KALRN: variants seen among roughly 807,000 people sequenced by gnomAD.
KALRN encodes kalirin RhoGEF kinase, also known as kalirin.
Under a neutral mutation model 353.7 loss-of-function variants are expected in KALRN, and 70 were observed. The observed-to-expected ratio is 0.20, with a 90% CI of 0.16 to 0.24. The LOEUF (loss-of-function observed/expected upper bound fraction) is 0.24, where lower values mean the gene tolerates loss of function less well. Ranked by LOEUF, KALRN falls within the 10% of genes least tolerant of loss-of-function variation. KALRN has a pLI of 1.00. For missense variants in KALRN, 2,791 were observed against 3,756.7 expected (o/e 0.74, Z 6.72); for synonymous variants, 1,391 against 1,434.8 (o/e 0.97, Z 0.69).
chr3:124,276,298 G>C (rs1236728236), intron 5 of KALRN, among the ~76,000 whole-genome samples: 4 of 152,154 alleles, frequency 2.6e-5, no homozygotes, highest in African/African-American at 9.7e-5. Flanking sequence ...TTTGAGGTTG[G>C]TATGTCCTGT....
intron 1 of KALRN, among the ~76,000 whole-genome samples, chr3:124,182,215 G>A (rs571458312): frequency 3.3e-5 from 5 of 152,264 alleles, no homozygotes; most frequent in African/African-American, 1.2e-4. Flanking sequence ...AAAACTTAAC[G>A]GCTTGAAATA....
chr3:124,669,809 C>T (rs114830893), intron 47 of KALRN, among the ~76,000 whole-genome samples: 1,932 of 152,116 alleles, frequency 0.013, 39 homozygotes, highest in African/African-American at 0.044. Context: ...TCATCCTGTA[C>T]TTTAAATCAT....
At chr3:124,449,378 A>G (rs1455698572) in intron 21 of KALRN, among the ~76,000 whole-genome samples, 2 of 152,202 alleles carry the variant, frequency 1.3e-5, no homozygotes, top group Non-Finnish European at 2.9e-5. Flanking sequence ...ATGAGGAAAA[A>G]AGGAAAACAT....
intron 11 of KALRN, among the ~76,000 whole-genome samples, chr3:124,392,604 T>C (rs1576539626): frequency 7.6e-6 from 1 of 132,398 alleles, no homozygotes; most frequent in East Asian, 2.0e-4. Flanking sequence ...TTTTCTTTTC[T>C]TTCTTTCTTT....
intron 34 of KALRN, among the ~76,000 whole-genome samples, chr3:124,587,498 T>C (rs1295535389): frequency 6.6e-6 from 1 of 152,164 alleles, no homozygotes; most frequent in African/African-American, 2.4e-5. Context: ...GTGAGCTACA[T>C]TGGGATTTCT....
rs186616376 is a variant in KALRN at position 124,631,087 on chromosome 3, C to G, written c.5183-1333C>G. Among the ~76,000 whole-genome samples the G allele has an allele frequency of 1.1e-3, 164 of 152,322 alleles. 1 individual carries two copies. The highest frequency in any genetic ancestry group is 2.0e-3 in the Non-Finnish European group (137 of 68,034). On this transcript the variant is annotated intron_variant, in intron 34 of 59. Coordinates refer to ENST00000682506, the MANE Select transcript of KALRN (RefSeq NM_001388419.1). ...CAGCATTTGACACGCCGATTTCTCC[C>G]TTTGTAAGACATTTTCCACGTGCAG... is the stretch of plus-strand genomic sequence containing the variant.
intron 33 of KALRN, among the ~76,000 whole-genome samples, chr3:124,517,944 G>T (rs1179629238): frequency 6.6e-6 from 1 of 152,150 alleles, no homozygotes; most frequent in African/African-American, 2.4e-5. Flanking sequence ...AACAAATAAA[G>T]GATATGAAAT....
intron 58 of KALRN, among the ~76,000 whole-genome samples, chr3:124,714,417 A>G (rs1464464406): frequency 2.0e-5 from 3 of 152,178 alleles, no homozygotes; most frequent in Admixed American, 6.5e-5. Context: ...ATATTGGGCT[A>G]CTGTAGTGCA....
intron 1 of KALRN, among the ~76,000 whole-genome samples, chr3:124,144,479 A>G (rs1396264069): frequency 6.6e-6 from 1 of 151,652 alleles, no homozygotes; most frequent in African/African-American, 2.4e-5. Context: ...TGTCATTGTC[A>G]CCATCATCCT....
intron 1 of KALRN, among the ~76,000 whole-genome samples, chr3:124,197,864 A>G (rs957794158): frequency 6.6e-6 from 1 of 152,126 alleles, no homozygotes; most frequent in African/African-American, 2.4e-5. Context: ...TGCCCCCTGC[A>G]TGTTCTTTTC....
intron 5 of KALRN, among the ~76,000 whole-genome samples, chr3:124,282,692 G>A (rs920882348): frequency 2.0e-5 from 3 of 152,134 alleles, no homozygotes; most frequent in African/African-American, 7.2e-5. Flanking sequence ...CCTACTTTTA[G>A]GGACAATGGA....
chr3:124,342,751 C>T (rs2081892105), intron 9 of KALRN, among the ~76,000 whole-genome samples: 1 of 152,148 alleles, frequency 6.6e-6, no homozygotes, highest in Admixed American at 6.5e-5. Context: ...TTTCCCATTC[C>T]AGTTCAGGGG....
intron 1 of KALRN, among the ~76,000 whole-genome samples, chr3:124,200,264 G>A (rs1042657785): frequency 4.6e-5 from 7 of 152,308 alleles, no homozygotes; most frequent in African/African-American, 7.2e-5. Flanking sequence ...GGAATAAATC[G>A]TCTCTGCTGT....
chr3:124,699,942 G>A lies in KALRN; in HGVS notation c.7905G>A (p.Gly2635=). Residue 2635 remains glycine (G), a synonymous_variant, in exon 56 of 60, where the codon GGG becomes GGA. Coordinates refer to ENST00000682506, the MANE Select transcript of KALRN (RefSeq NM_001388419.1). ...TYLVIEDLSP[G]CPYQFRVSAS... ...TCGTCATCGAAGACCTTAGTCCCGGGTGTCCTTATCAGTTCAGAGTCAGTG... is the reference window on the plus strand; with the variant it reads ...TCGTCATCGAAGACCTTAGTCCCGGATGTCCTTATCAGTTCAGAGTCAGTG... 2 of 1,614,190 alleles carry A rather than the reference G, an allele frequency of 1.2e-6. No individual in the cohort carries two copies. The highest frequency in any genetic ancestry group is 1.7e-6 in the Non-Finnish European group (2 of 1,180,018).
intron 1 of KALRN, among the ~76,000 whole-genome samples, chr3:124,198,360 G>A (rs1259457312): frequency 6.6e-6 from 1 of 152,216 alleles, no homozygotes; most frequent in Non-Finnish European, 1.5e-5. Flanking sequence ...TGGGATAATA[G>A]CAACTTAAGT....
intron 10 of KALRN, among the ~76,000 whole-genome samples, chr3:124,353,356 G>A (rs555401409): frequency 6.6e-6 from 1 of 152,152 alleles, no homozygotes; most frequent in Admixed American, 6.5e-5. Context: ...TTGGACAATA[G>A]CCCTCATCAA....
intron 3 of KALRN, among the ~76,000 whole-genome samples, chr3:124,237,968 G>A (rs1283875586): frequency 6.6e-6 from 1 of 152,054 alleles, no homozygotes; most frequent in Non-Finnish European, 1.5e-5. Flanking sequence ...GGCCATTTGG[G>A]GGACCATTTT....
chr3:124,593,146 A>G (rs2075969351), intron 34 of KALRN, among the ~76,000 whole-genome samples: 1 of 152,158 alleles, frequency 6.6e-6, no homozygotes, highest in African/African-American at 2.4e-5. Context: ...GAGAATCTTC[A>G]TATTGCTCCT....
intron 33 of KALRN, among the ~76,000 whole-genome samples, chr3:124,544,279 G>T (rs548677308): frequency 6.6e-6 from 1 of 152,162 alleles, no homozygotes; most frequent in African/African-American, 2.4e-5. Context: ...ATCACAAGGG[G>T]GCCAGGTGCA....
Sources: allele counts gnomAD v4.1 joint callset (sites outside exome capture counted in the v4.1 genomes callset), GRCh38; gene constraint gnomAD v4.1.1; transcripts MANE v1.5; gene names NCBI Gene and HGNC (gene_info 2026-07-23, HGNC 2026-07-21).